GTF2H2: variants seen among roughly 807,000 people sequenced by gnomAD.
GTF2H2 encodes TFIIH basal transcription factor complex p44 subunit.
Under a neutral mutation model 16.5 loss-of-function variants are expected in GTF2H2, and 2 were observed. The observed-to-expected ratio is 0.12, with a 90% CI of 0.05 to 0.38. The LOEUF (loss-of-function observed/expected upper bound fraction) is 0.38. GTF2H2 is among the 10% of genes least tolerant of loss of function. The probability of loss-of-function intolerance (pLI) is 0.99; values close to 1 mark genes in which losing one functional copy is unlikely to be tolerated. For synonymous variants in GTF2H2, 8 were observed against 44.1 expected, an observed-to-expected ratio of 0.18 and a Z score of 3.24; for missense variants, 20 against 137.0, an observed-to-expected ratio of 0.15 and a Z score of 4.26.
intron 8 of GTF2H2, among the ~76,000 whole-genome samples, chr5:71,053,262 G>A (rs1348303589): frequency 3.6e-5 from 5 of 140,410 alleles, no homozygotes; most frequent in Non-Finnish European, 6.2e-5. Context: ...GAGGCCACTG[G>A]AGGGTTATTA....
intron 8 of GTF2H2, among the ~76,000 whole-genome samples, chr5:71,054,711 A>ATGTG (rs1753045139): frequency 5.4e-5 from 5 of 92,274 alleles, no homozygotes; most frequent in African/African-American, 2.2e-4. Flanking sequence ...ATATATATAT[A>ATGTG]CGTGTGTGTG....
intron 8 of GTF2H2, among the ~76,000 whole-genome samples, chr5:71,052,678 G>GTAT (rs780719110): frequency 2.5e-5 from 1 of 40,654 alleles, no homozygotes; most frequent in Admixed American, 3.1e-4. Flanking sequence ...AACTTTGTCT[G>GTAT]TATCAGCAAT....
rs1172097945 is a variant in GTF2H2, at chr5:71,037,845, G to A, written c.1029-299C>T. 3.3e-4 allele frequency among the ~76,000 whole-genome samples: 24 copies of A among 73,486 alleles called. 7 individuals carry two copies. Among genetic ancestry groups the A allele is most frequent in the South Asian group, 2.9e-3 (4 of 1,376 alleles). The allele number at this position is 73,486 out of a possible 152,430, so 48.2% of individuals were successfully genotyped here. ...AAATTAGCTGGGCATGATGGCAGGC[G>A]CCTATAATCCCAGCTACTCAGGAGG... On this transcript the variant is annotated intron_variant, in intron 14 of 15. Coordinates refer to ENST00000274400, the Ensembl canonical transcript of GTF2H2.
At position 71,055,187 on chromosome 5, in the gene GTF2H2, G is replaced by A. The variant is rs2253964; in HGVS notation, c.470+165C>T. The A allele has an allele frequency of 9.4e-4, 550 of 583,938 alleles. 60 individuals carry two copies. In the African/African-American group the frequency reaches 0.011, roughly 12 times the overall value. The allele number at this position is 583,938 out of a possible 1,614,324, so 36.2% of individuals were successfully genotyped here. A position where few individuals can be genotyped will look rare whatever the true frequency, so the allele number is the denominator to read the frequency against. On this transcript the variant is annotated intron_variant, in intron 8 of 15. Coordinates refer to ENST00000274400, the Ensembl canonical transcript of GTF2H2. ...ATATCTTACTAAAATGTAAAATAAA[G>A]ATTACTAACCAACACCACACTAAAC...
At chr5:71,058,246 G>A (rs1230370951) in intron 7 of GTF2H2, 1 of 139,844 alleles carries the variant, frequency 7.2e-6, no homozygotes, top group Admixed American at 7.2e-5. Context: ...CTGGTAACTC[G>A]GGGTGGGTAA....
At position 71,038,168 on chromosome 5, in the gene GTF2H2, C is replaced by T. The variant is rs1439994525; in HGVS notation, c.1029-622G>A. Among the ~76,000 whole-genome samples, 2 of 81,970 alleles carry T rather than the reference C, an allele frequency of 2.4e-5. 1 individual carries two copies. The highest frequency in any genetic ancestry group is 5.0e-5 in the Non-Finnish European group (2 of 39,630). 53.8% of individuals were successfully genotyped at this position (81,970 alleles called of 152,430 possible). On this transcript the variant is annotated intron_variant, in intron 14 of 15. Transcript: ENST00000274400. ...AGGCTGGAGTGCTGAGGTGCTATCA[C>T]GGCTCACTGCAGCCTCAACCTCCTG...
intron 8 of GTF2H2, among the ~76,000 whole-genome samples, chr5:71,052,915 A>ATTTTTTTTTTT (rs1241503525): frequency 4.5e-5 from 2 of 44,052 alleles, no homozygotes; most frequent in Non-Finnish European, 3.7e-5. Context: ...TGCCTGGCTA[A>ATTTTTTTTTTT]TTTTTTTTTT....
At position 71,042,234 on chromosome 5, in the gene GTF2H2, C is replaced by T. The variant is rs377380287; in HGVS notation, c.872G>A (p.Cys291Tyr). 13 of 909,152 alleles carry T rather than the reference C, an allele frequency of 1.4e-5. 5 individuals carry two copies. Among genetic ancestry groups the T allele is most frequent in the Non-Finnish European group, 1.9e-5 (13 of 677,636 alleles). 56.3% of individuals were successfully genotyped at this position (909,152 alleles called of 1,614,324 possible). A position where few individuals can be genotyped will look rare whatever the true frequency, so the allele number is the denominator to read the frequency against. The change falls in exon 13 of 16, where the codon TGC (cysteine) becomes TAC (tyrosine). Residue 291 changes from cysteine to tyrosine, a missense_variant. Coordinates refer to ENST00000274400, the Ensembl canonical transcript of GTF2H2. ...ACAGTACTTTGCCCGACACTGTGGG[C>T]AGAAATAGCCTCCTAATGTAAGCCC...
chr5:71,052,994 C>T (rs1752886652), intron 8 of GTF2H2, among the ~76,000 whole-genome samples: 1 of 91,972 alleles, frequency 1.1e-5, no homozygotes, highest in Non-Finnish European at 2.0e-5. Flanking sequence ...GTCTCAAACT[C>T]ATGGCCTCAG....
At chr5:71,044,343 T>A (rs1190670906) in intron 12 of GTF2H2, among the ~76,000 whole-genome samples, 1 of 30,684 alleles carries the variant, frequency 3.3e-5, no homozygotes, top group Non-Finnish European at 6.4e-5. Context: ...TCTATGCAGC[T>A]CCCCAGAGAG....
At chr5:71,054,687 T>G (rs1245272046) in intron 8 of GTF2H2, among the ~76,000 whole-genome samples, 1 of 137,330 alleles carries the variant, frequency 7.3e-6, no homozygotes, top group Non-Finnish European at 1.6e-5. Context: ...AGCAAGACTC[T>G]GTCTCGAAAA....
At chr5:71,059,357 T>C (rs1188013574) in intron 7 of GTF2H2, 1 of 78,302 alleles carries the variant, frequency 1.3e-5, no homozygotes, top group Non-Finnish European at 2.6e-5. Context: ...GCCACTGCAC[T>C]CTAGCCTGGC....
chr5:71,046,633 A>T (rs1273231632), intron 11 of GTF2H2, among the ~76,000 whole-genome samples: 4 of 137,796 alleles, frequency 2.9e-5, no homozygotes, highest in Non-Finnish European at 6.2e-5. Context: ...TCATTGTAAC[A>T]TTTTTGTAAA....
intron 14 of GTF2H2, among the ~76,000 whole-genome samples, chr5:71,039,611 T>C (rs1238820122): frequency 6.7e-6 from 1 of 148,732 alleles, no homozygotes; most frequent in Non-Finnish European, 1.5e-5. Flanking sequence ...ATTCCACCAG[T>C]GAATATTCTT....
rs1280972313 is a variant in GTF2H2 at position 71,051,328 on chromosome 5, G to A, written c.471-2170C>T. On this transcript the variant is annotated intron_variant, in intron 8 of 15. Coordinates refer to ENST00000274400, the Ensembl canonical transcript of GTF2H2. Reference sequence around the variant, plus strand: ...CCTTTATCCAAGGGTTGCAGAATGAGTGCTATGTTAGTAGATATGAAAATA... The same window carrying A: ...CCTTTATCCAAGGGTTGCAGAATGAATGCTATGTTAGTAGATATGAAAATA... Among the ~76,000 whole-genome samples, 2 of 88,078 alleles carry A rather than the reference G, an allele frequency of 2.3e-5. 1 individual carries two copies. The highest frequency in any genetic ancestry group is 1.0e-4 in the African/African-American group (2 of 19,902). 57.8% of individuals were successfully genotyped at this position (88,078 alleles called of 152,430 possible). A position where few individuals can be genotyped will look rare whatever the true frequency, so the allele number is the denominator to read the frequency against.
At chr5:71,061,517 C>T (rs1753633864) in intron 3 of GTF2H2, 171 bp downstream of exon 3, 2 of 368,090 alleles carry the variant, frequency 5.4e-6, no homozygotes, top group South Asian at 3.1e-5. Context: ...CTCTAAAGAC[C>T]ATTTCCTGCT....
chr5:71,061,287 T>A, exon 4 of GTF2H2: 1 of 1,494,026 alleles, frequency 6.7e-7, no homozygotes, highest in Non-Finnish European at 9.2e-7. Flanking sequence ...CAAGTCGAAC[T>A]TGTCCATGGT....
At chr5:71,051,108 A>G (rs1752676082) in intron 8 of GTF2H2, among the ~76,000 whole-genome samples, 1 of 142,530 alleles carries the variant, frequency 7.0e-6, no homozygotes, top group Admixed American at 7.2e-5. Flanking sequence ...CGGCCTCCCA[A>G]TGTGCTGGGA....
chr5:71,046,088 CAATTTTA>C (rs1752321603), intron 11 of GTF2H2, among the ~76,000 whole-genome samples: 1 of 133,708 alleles, frequency 7.5e-6, no homozygotes, highest in Non-Finnish European at 1.6e-5. Flanking sequence ...TTTCCATATA[CAATTTTA>C]AATTCTGAAA....
Sources: allele counts gnomAD v4.1 joint callset (sites outside exome capture counted in the v4.1 genomes callset), GRCh38; gene constraint gnomAD v4.1.1; transcripts MANE v1.5; gene names NCBI Gene and HGNC (gene_info 2026-07-23, HGNC 2026-07-21).